Variants in NUDT3 observed in about 807,000 individuals in gnomAD.
NUDT3 encodes the protein diphosphoinositol polyphosphate phosphohydrolase 1.
NUDT3 carries 9 observed loss-of-function variants against 23.6 expected under a neutral mutation model. The ratio of observed to expected loss-of-function variants is 0.38; its 90% CI spans 0.23 to 0.66. The LOEUF (loss-of-function observed/expected upper bound fraction) is 0.66. NUDT3 is among the 30% of genes least tolerant of loss of function. The probability of loss-of-function intolerance (pLI) is 0.52; values close to 1 mark genes in which losing one functional copy is unlikely to be tolerated. For missense variants in NUDT3, 172 were observed against 218.5 expected (o/e 0.79, Z 1.34); for synonymous variants, 86 against 82.6 (o/e 1.04, Z -0.22).
In NUDT3 at chr6:34,329,359, C is replaced by T. The variant is rs146677871; in HGVS notation, c.210+12503G>A. On this transcript the variant is annotated intron_variant, in intron 2 of 4. Coordinates refer to ENST00000607016, the MANE Select transcript of NUDT3 (RefSeq NM_006703.4). ...GCAATGGCGCGATCTCAGCTCACTG[C>T]AACTTCCACTGCCCGGGTTCAAGCG... is the stretch of plus-strand genomic sequence containing the variant. Among the ~76,000 whole-genome samples the T allele has an allele frequency of 4.7e-3, 711 of 152,292 alleles. 2 individuals carry two copies. Among genetic ancestry groups the T allele is most frequent in the Middle Eastern group, 0.017 (5 of 294 alleles).
At position 34,286,588 on chromosome 6, in the gene NUDT3, A is replaced by G. The variant is rs1415662893; in HGVS notation, c.*2165T>C. 6 of 151,994 alleles carry G rather than the reference A, an allele frequency of 3.9e-5. No homozygotes were observed. The highest frequency in any genetic ancestry group is 8.8e-5 in the Non-Finnish European group (6 of 67,986). The allele number at this position is 151,994 out of a possible 1,614,324, so 9.4% of individuals were successfully genotyped here. Reference sequence around the variant, plus strand: ...AAGAAACAGTGTGTTCGTTTTTAAGAAGGATGTGTGAATAGTAAGTTGGCA... The same window carrying G: ...AAGAAACAGTGTGTTCGTTTTTAAGGAGGATGTGTGAATAGTAAGTTGGCA... On this transcript the variant is annotated 3_prime_UTR_variant, in exon 5 of 5. Transcript: ENST00000607016.
intron 1 of NUDT3, among the ~76,000 whole-genome samples, chr6:34,390,155 A>T (rs1039294359): frequency 5.3e-5 from 8 of 151,508 alleles, no homozygotes; most frequent in African/African-American, 7.3e-5. Context: ...ATAAATAAAT[A>T]AAAATAAGTA....
intron 2 of NUDT3, among the ~76,000 whole-genome samples, chr6:34,312,638 A>G (rs1366196930): frequency 6.6e-6 from 1 of 152,108 alleles, no homozygotes; most frequent in East Asian, 1.9e-4. Context: ...CTTGCATATC[A>G]ATGTGGGTCT....
Position 34,290,408 on chromosome 6 carries a change from T to C in NUDT3, c.341-1477A>G, listed in dbSNP as rs544720644. Among the ~76,000 whole-genome samples, 333 of 149,522 alleles carry C rather than the reference T, an allele frequency of 2.2e-3. 2 individuals carry two copies. The highest frequency in any genetic ancestry group is 7.8e-3 in the African/African-American group (320 of 40,854). Reference sequence around the variant, plus strand: ...CCACACCTGCTGCTGCTTCTTTTTTTTTTTTTTTTTTTTTTGGTATAAATG... The same window carrying C: ...CCACACCTGCTGCTGCTTCTTTTTTCTTTTTTTTTTTTTTTGGTATAAATG... On this transcript the variant is annotated intron_variant, in intron 4 of 4. Transcript: ENST00000607016.
rs113116523 is a variant in NUDT3, at chr6:34,389,639, C to CA, written c.99+2624dup. Among the ~76,000 whole-genome samples, 1,295 of 151,990 alleles carry CA rather than the reference C, an allele frequency of 8.5e-3. 18 individuals carry two copies. The highest frequency in any genetic ancestry group is 0.027 in the African/African-American group (1,114 of 41,460). On this transcript the variant is annotated intron_variant, in intron 1 of 4. Coordinates refer to ENST00000607016, the MANE Select transcript of NUDT3 (RefSeq NM_006703.4). ...CACCACTACACTCCAACCTGGGTGA[C>CA]ACAGTAAGACCCTGTCTCAAAATAA...
chr6:34,380,588 T>C (rs1051291759), intron 1 of NUDT3, among the ~76,000 whole-genome samples: 21 of 152,164 alleles, frequency 1.4e-4, no homozygotes, highest in African/African-American at 4.6e-4. Context: ...CATGAAGGAT[T>C]TTCCTGGTTG....
At chr6:34,329,287 CA>C (rs1764090179) in intron 2 of NUDT3, among the ~76,000 whole-genome samples, 1 of 151,836 alleles carries the variant, frequency 6.6e-6, no homozygotes, top group African/African-American at 2.4e-5. Context: ...AGAGAACAAC[CA>C]TTTTTTTTTG....
chr6:34,373,140 A>G (rs1301027654), intron 1 of NUDT3, among the ~76,000 whole-genome samples: 1 of 149,992 alleles, frequency 6.7e-6, no homozygotes, highest in African/African-American at 2.5e-5. Flanking sequence ...TTAGCCGGGC[A>G]TGGTGGCAGG....
intron 2 of NUDT3, among the ~76,000 whole-genome samples, chr6:34,315,531 A>G (rs1475862137): frequency 6.6e-6 from 1 of 152,212 alleles, no homozygotes; most frequent in Non-Finnish European, 1.5e-5. Flanking sequence ...ATGGCATTAA[A>G]GGTAATTTAT....
In NUDT3 at chr6:34,351,212, A is replaced by C. The variant is rs1043779385; in HGVS notation, c.100-9240T>G. Among the ~76,000 whole-genome samples, 115 of 134,636 alleles carry C rather than the reference A, an allele frequency of 8.5e-4. 11 individuals carry two copies. Among genetic ancestry groups the C allele is most frequent in the African/African-American group, 2.1e-3 (76 of 35,676 alleles). 88.3% of individuals were successfully genotyped at this position (134,636 alleles called of 152,430 possible). ...ACTCCCCTGCCTAAAAAAAAAAAAAAAAAAAAAAAAAAAACACTTTGGGAG... is the reference window on the plus strand; with the variant it reads ...ACTCCCCTGCCTAAAAAAAAAAAAACAAAAAAAAAAAAAACACTTTGGGAG... On this transcript the variant is annotated intron_variant, in intron 1 of 4. Transcript: ENST00000607016.
chr6:34,315,999 G>T (rs55779010), intron 2 of NUDT3, among the ~76,000 whole-genome samples: 16,186 of 151,942 alleles, frequency 0.11, 928 homozygotes, highest in Non-Finnish European at 0.12. Context: ...TGCCTTACTC[G>T]CCACTCTAGA....
intron 2 of NUDT3, among the ~76,000 whole-genome samples, chr6:34,312,497 G>A (rs576652452): frequency 1.3e-5 from 2 of 152,032 alleles, no homozygotes; most frequent in Non-Finnish European, 2.9e-5. Flanking sequence ...TTGCTCTCTG[G>A]AAAGAATGCA....
At position 34,351,603 on chromosome 6, in the gene NUDT3, G is replaced by A. The variant is rs1327768600; in HGVS notation, c.100-9631C>T. ...CTAAAAATACAAAAATTAGCTGGGC[G>A]TGGTCGTGGGCGCTTGTAATCCCAG... On this transcript the variant is annotated intron_variant, in intron 1 of 4. Transcript: ENST00000607016. 2.7e-5 allele frequency among the ~76,000 whole-genome samples: 4 copies of A among 149,294 alleles called. No individual in the cohort carries two copies. In the East Asian group the frequency reaches 5.8e-4, roughly 22 times the overall value.
intron 2 of NUDT3, among the ~76,000 whole-genome samples, chr6:34,297,759 AATTTTTTTT>A (rs1763535702): frequency 2.8e-5 from 2 of 71,132 alleles, no homozygotes; most frequent in African/African-American, 1.3e-4. Context: ...ATATATATAT[AATTTTTTTT>A]TTTTTTTTAG....
chr6:34,297,759 A>ATATATATATATATAT (rs60517827), intron 2 of NUDT3, among the ~76,000 whole-genome samples: 30 of 71,058 alleles, frequency 4.2e-4, no homozygotes, highest in African/African-American at 1.3e-3. Flanking sequence ...ATATATATAT[A>ATATATATATATATAT]ATTTTTTTTT....
intron 4 of NUDT3, among the ~76,000 whole-genome samples, chr6:34,293,157 A>G (rs959662208): frequency 1.3e-5 from 2 of 152,112 alleles, no homozygotes; most frequent in Admixed American, 6.5e-5. Context: ...CAAACTCCCA[A>G]GCACAAATGA....
chr6:34,381,568 G>A lies in NUDT3; in HGVS notation c.99+10696C>T, dbSNP rs549714914. On this transcript the variant is annotated intron_variant, in intron 1 of 4. Coordinates refer to ENST00000607016, the MANE Select transcript of NUDT3 (RefSeq NM_006703.4). ...ATTATATACAGAAATTCTCTGGACTGTTTTCCTAACTCATATTGGCAATAA... is the reference window on the plus strand; with the variant it reads ...ATTATATACAGAAATTCTCTGGACTATTTTCCTAACTCATATTGGCAATAA... 3.9e-5 allele frequency among the ~76,000 whole-genome samples: 6 copies of A among 151,990 alleles called. No homozygotes were observed. In the South Asian group the frequency reaches 6.2e-4, roughly 16 times the overall value.
rs1763336649 is a variant in NUDT3 at position 34,286,572 on chromosome 6, T to C, written c.*2181A>G. 6.6e-6 allele frequency: 1 copy of C among 151,996 alleles called. No individual in the cohort carries two copies. The highest frequency in any genetic ancestry group is 6.6e-5 in the Admixed American group (1 of 15,256). The allele number at this position is 151,996 out of a possible 1,614,324, so 9.4% of individuals were successfully genotyped here. A position where few individuals can be genotyped will look rare whatever the true frequency, so the allele number is the denominator to read the frequency against. On this transcript the variant is annotated 3_prime_UTR_variant, in exon 5 of 5. Coordinates refer to ENST00000607016, the MANE Select transcript of NUDT3 (RefSeq NM_006703.4). ...TGCTCTAGGTCAGGAAAAGAAACAGTGTGTTCGTTTTTAAGAAGGATGTGT... is the reference window on the plus strand; with the variant it reads ...TGCTCTAGGTCAGGAAAAGAAACAGCGTGTTCGTTTTTAAGAAGGATGTGT...
At chr6:34,312,849 T>C (rs1055458681) in intron 2 of NUDT3, among the ~76,000 whole-genome samples, 2 of 152,104 alleles carry the variant, frequency 1.3e-5, no homozygotes, top group African/African-American at 4.8e-5. Flanking sequence ...CTCAAAGAAA[T>C]GAACTATCAA....
Sources: allele counts gnomAD v4.1 joint callset (sites outside exome capture counted in the v4.1 genomes callset), GRCh38; gene constraint gnomAD v4.1.1; transcripts MANE v1.5; gene names NCBI Gene and HGNC (gene_info 2026-07-23, HGNC 2026-07-21).